Variants in NEBL observed in about 807,000 individuals in gnomAD.
NEBL encodes LIM and SH3 protein 2.
Under a neutral mutation model 140.2 loss-of-function variants are expected in NEBL, and 122 were observed. That is an observed-to-expected ratio of 0.87 (90% CI 0.75 to 1.01). The LOEUF is 1.01. Ranked by LOEUF, NEBL falls within the 50% of genes least tolerant of loss-of-function variation. NEBL has a pLI of 0.00. For missense variants in NEBL, 1,365 were observed against 1,231.3 expected (o/e 1.11, Z -1.62); for synonymous variants, 436 against 398.9 (o/e 1.09, Z -1.11).
chr10:20,946,121 A>T (rs569955741), intron 4 of NEBL, among the ~76,000 whole-genome samples: 1 of 152,300 alleles, frequency 6.6e-6, no homozygotes, highest in South Asian at 2.1e-4. Flanking sequence ...TGCACAGATG[A>T]TTGACAGGCC....
chr10:21,089,116 G>A (rs905561032), intron 2 of NEBL, among the ~76,000 whole-genome samples: 2 of 152,150 alleles, frequency 1.3e-5, no homozygotes, highest in African/African-American at 4.8e-5. Context: ...GGATTGTGTG[G>A]GAATTAAAGA....
intron 2 of NEBL, among the ~76,000 whole-genome samples, chr10:21,153,450 C>T (rs1461009310): frequency 1.3e-5 from 2 of 151,642 alleles, no homozygotes; most frequent in Non-Finnish European, 2.9e-5. Context: ...CCTCCTCAGC[C>T]TCCTGAATAG....
intron 2 of NEBL, among the ~76,000 whole-genome samples, chr10:21,132,426 T>C (rs536886160): frequency 6.3e-4 from 96 of 152,338 alleles, no homozygotes; most frequent in African/African-American, 2.2e-3. Context: ...TTAGCTGTTA[T>C]GCATAATGCT....
chr10:20,992,148 C>A (rs867428278), intron 3 of NEBL, among the ~76,000 whole-genome samples: 11 of 152,168 alleles, frequency 7.2e-5, no homozygotes, highest in African/African-American at 2.7e-4. Context: ...ATTACATTTT[C>A]ACTTTTTAAA....
chr10:21,093,640 T>C (rs997690773), intron 2 of NEBL, among the ~76,000 whole-genome samples: 11 of 152,296 alleles, frequency 7.2e-5, no homozygotes, highest in Admixed American at 2.0e-4. Flanking sequence ...TAAGAGTTGG[T>C]AGAACCAAGA....
rs188329867 is a variant in NEBL at position 20,991,049 on chromosome 10, T to A, written c.249+29068A>T. ...AACACATACTCTGACATTTGACAGC[T>A]TTTCTCTACAGGGACACAGGGGCTA... On this transcript the variant is annotated intron_variant, in intron 3 of 6. Transcript: ENST00000417816. Among the ~76,000 whole-genome samples, 229 of 152,308 alleles carry A rather than the reference T, an allele frequency of 1.5e-3. 1 individual carries two copies. Among genetic ancestry groups the A allele is most frequent in the African/African-American group, 5.2e-3 (216 of 41,568 alleles).
intron 2 of NEBL, among the ~76,000 whole-genome samples, chr10:21,078,084 T>C (rs371287073): frequency 1.3e-5 from 2 of 152,144 alleles, no homozygotes; most frequent in South Asian, 2.1e-4. Context: ...AGGAGGAGAT[T>C]GGAAGATGGA....
intron 3 of NEBL, among the ~76,000 whole-genome samples, chr10:20,963,603 T>C (rs1007159733): frequency 2.0e-5 from 3 of 152,142 alleles, no homozygotes; most frequent in Admixed American, 2.0e-4. Flanking sequence ...CTATGTTACC[T>C]AGGATGGTCT....
chr10:20,823,081 T>A, intron 19 of NEBL, 127 bp downstream of exon 19: 1 of 690,250 alleles, frequency 1.4e-6, no homozygotes, highest in Non-Finnish European at 2.4e-6. Context: ...CTAGCTCCAC[T>A]TTTAAGGAAC....
chr10:21,205,171 C>T (rs1265949238), intron 3 of NEBL, among the ~76,000 whole-genome samples: 1 of 152,176 alleles, frequency 6.6e-6, no homozygotes, highest in African/African-American at 2.4e-5. Flanking sequence ...TAATTCATGA[C>T]TGAAACAAGG....
intron 3 of NEBL, among the ~76,000 whole-genome samples, chr10:20,888,944 A>T (rs1846784440): frequency 6.6e-6 from 1 of 152,230 alleles, no homozygotes; most frequent in Non-Finnish European, 1.5e-5. Context: ...GCTCAGAGCT[A>T]GATTTCAGTA....
intron 2 of NEBL, among the ~76,000 whole-genome samples, chr10:21,168,360 T>C (rs1166319606): frequency 6.6e-6 from 1 of 152,220 alleles, no homozygotes; most frequent in African/African-American, 2.4e-5. Context: ...ATGGATGTTT[T>C]TTCATAAGAA....
intron 6 of NEBL, 47 bp from the exon 7 acceptor site, chr10:20,868,812 G>T: frequency 7.7e-7 from 1 of 1,296,994 alleles, no homozygotes; most frequent in African/African-American, 1.6e-5. Flanking sequence ...ACCCTCCAAT[G>T]ATGAACTACA....
rs138970823 is a variant in NEBL at position 21,228,893 on chromosome 10, A to G, written n.348+19028T>C. ...TGTGCTTGGATGGGACCCAAGAGTT[A>G]GTAGTAGCCCATGGGTTGAGGTGGA... On this transcript the variant is annotated intron_variant and non_coding_transcript_variant, in intron 3 of 8. Transcript: ENST00000675702. Among the ~76,000 whole-genome samples the G allele has an allele frequency of 3.1e-4, 47 of 152,262 alleles. 1 individual carries two copies. The East Asian group carries it at 7.5e-3, about 24-fold the overall frequency.
chr10:20,957,420 G>T (rs1835858218), intron 4 of NEBL, among the ~76,000 whole-genome samples: 1 of 152,102 alleles, frequency 6.6e-6, no homozygotes, highest in South Asian at 2.1e-4. Context: ...TGTAAAGTAG[G>T]CAAGCAATTC....
chr10:21,218,721 A>G (rs912863735), intron 3 of NEBL, among the ~76,000 whole-genome samples: 2 of 152,214 alleles, frequency 1.3e-5, no homozygotes, highest in African/African-American at 4.8e-5. Context: ...GAGGTCACAG[A>G]AAAGAAGGAG....
At chr10:21,193,235 C>T (rs1026196196) in intron 3 of NEBL, among the ~76,000 whole-genome samples, 1 of 152,080 alleles carries the variant, frequency 6.6e-6, no homozygotes, top group Non-Finnish European at 1.5e-5. Context: ...ACCTGGAGAC[C>T]TGGAAGCTAC....
chr10:21,178,004 G>A (rs574184227), upstream of NEBL, among the ~76,000 whole-genome samples: 12 of 152,262 alleles, frequency 7.9e-5, no homozygotes, highest in African/African-American at 2.6e-4. Context: ...CAAATTCACC[G>A]TGGAGGAAAG....
In NEBL at chr10:21,030,954, G is replaced by A. The variant is rs376960948; in HGVS notation, c.165-10753C>T. ...CTACAAATTACCATTAGGACACACC[G>A]GTGTGCACTGATGACCATCACCCTG... On this transcript the variant is annotated intron_variant, in intron 2 of 6. Coordinates refer to the NEBL transcript ENST00000417816. 8.5e-5 allele frequency among the ~76,000 whole-genome samples: 13 copies of A among 152,270 alleles called. No individual in the cohort carries two copies. The East Asian group carries it at 1.4e-3, about 16-fold the overall frequency.
Sources: allele counts gnomAD v4.1 joint callset (sites outside exome capture counted in the v4.1 genomes callset), GRCh38; gene constraint gnomAD v4.1.1; transcripts MANE v1.5; gene names NCBI Gene and HGNC (gene_info 2026-07-23, HGNC 2026-07-21).